SNAP23: variants seen among roughly 807,000 people sequenced by gnomAD.
SNAP23 encodes synaptosome associated protein 23.
Under a neutral mutation model 29.0 loss-of-function variants are expected in SNAP23, and 11 were observed. The ratio of observed to expected loss-of-function variants is 0.38; its 90% CI spans 0.24 to 0.63. The LOEUF is 0.63. Among genes scored for constraint, SNAP23 ranks in the 20% least tolerant of loss-of-function variants. The pLI, the probability that SNAP23 is intolerant of heterozygous loss-of-function variation, is 0.58. For synonymous variants in SNAP23, 60 were observed against 82.9 expected (o/e 0.72, Z 1.50); for missense variants, 220 against 253.9 (o/e 0.87, Z 0.91).
At chr15:42,507,728 C>T (rs979928302) in intron 1 of SNAP23, among the ~76,000 whole-genome samples, 1 of 152,142 alleles carries the variant, frequency 6.6e-6, no homozygotes. Flanking sequence ...CTCTCTGACT[C>T]GTCTCAGCAA....
intron 1 of SNAP23, 39 bp from the exon 2 acceptor site, chr15:42,511,791 ATTC>A: frequency 8.1e-7 from 1 of 1,230,654 alleles, no homozygotes; most frequent in Non-Finnish European, 1.1e-6. Context: ...ATATATCCTT[ATTC>A]TTATACAATA....
chr15:42,497,468 C>T (rs2057231014), intron 1 of SNAP23, among the ~76,000 whole-genome samples: 1 of 152,050 alleles, frequency 6.6e-6, no homozygotes, highest in Non-Finnish European at 1.5e-5. Context: ...CTCCGCCTCC[C>T]AAAGTGCTGG....
At chr15:42,531,334 C>T in intron 7 of SNAP23, 79 bp from the exon 8 acceptor site, 1 of 886,228 alleles carries the variant, frequency 1.1e-6, no homozygotes, top group African/African-American at 1.7e-5. Context: ...CTTGGTGTGT[C>T]AGTTACTCCA....
At chr15:42,529,544 T>A in intron 6 of SNAP23, 131 bp from the exon 7 acceptor site, 1 of 840,034 alleles carries the variant, frequency 1.2e-6, no homozygotes, top group Non-Finnish European at 1.8e-6. Flanking sequence ...TTCCCAGGAA[T>A]GGTAACCTAT....
chr15:42,512,247 A>G (rs1231580867), intron 2 of SNAP23: 2 of 162,308 alleles, frequency 1.2e-5, no homozygotes, highest in African/African-American at 4.8e-5. Context: ...TTTTATTCCC[A>G]TGAACTTCAC....
At chr15:42,528,050 T>G (rs758748975) in intron 5 of SNAP23, 1 of 472,386 alleles carries the variant, frequency 2.1e-6, no homozygotes, top group Non-Finnish European at 3.8e-6. Flanking sequence ...TTGGACCTTT[T>G]TAAAATTTTT....
intron 1 of SNAP23, among the ~76,000 whole-genome samples, chr15:42,506,476 C>A (rs1373688746): frequency 6.6e-6 from 1 of 152,132 alleles, no homozygotes; most frequent in African/African-American, 2.4e-5. Context: ...AGCCTCAAGC[C>A]GTTTTCCTAC....
chr15:42,506,224 C>T (rs545348282), intron 1 of SNAP23, among the ~76,000 whole-genome samples: 91 of 152,016 alleles, frequency 6.0e-4, no homozygotes, highest in African/African-American at 2.1e-3. Flanking sequence ...GGATTATAGG[C>T]GTGAGCCACT....
chr15:42,521,687 G>A, intron 5 of SNAP23: 1 of 1,064,726 alleles, frequency 9.4e-7, no homozygotes, highest in Non-Finnish European at 1.4e-6. Flanking sequence ...CGCAGTTTGG[G>A]CTGCTAACCT....
chr15:42,499,198 A>G (rs1035484624), intron 1 of SNAP23, among the ~76,000 whole-genome samples: 1 of 151,810 alleles, frequency 6.6e-6, no homozygotes, highest in Non-Finnish European at 1.5e-5. Context: ...CCTCCCGAGT[A>G]GCTGGGATTA....
At chr15:42,492,558 G>A (rs1358095051), upstream of SNAP23, among the ~76,000 whole-genome samples, 1 of 151,262 alleles carries the variant, frequency 6.6e-6, no homozygotes, top group African/African-American at 2.4e-5. Context: ...CGTGCCTGTA[G>A]TCCCAGCTAC....
intron 1 of SNAP23, among the ~76,000 whole-genome samples, chr15:42,500,058 C>T (rs961813410): frequency 3.3e-5 from 5 of 152,280 alleles, no homozygotes; most frequent in Middle Eastern, 3.4e-3. Context: ...GGTGGAGGAT[C>T]GCTTGAGCCT....
At chr15:42,504,360 A>G (rs2057300688) in intron 1 of SNAP23, among the ~76,000 whole-genome samples, 1 of 152,066 alleles carries the variant, frequency 6.6e-6, no homozygotes, top group South Asian at 2.1e-4. Context: ...AAAGTAAAAT[A>G]AAATAAAATA....
At chr15:42,525,346 C>A (rs112568544) in intron 5 of SNAP23, among the ~76,000 whole-genome samples, 11,808 of 132,002 alleles carry the variant, frequency 0.089, 548 homozygotes, top group South Asian at 0.16. Context: ...CCAGCCTGGG[C>A]GATACAGCGA....
At chr15:42,523,458 T>A (rs947378461) in intron 5 of SNAP23, among the ~76,000 whole-genome samples, 2 of 152,216 alleles carry the variant, frequency 1.3e-5, no homozygotes, top group African/African-American at 4.8e-5. Flanking sequence ...TTCATGTACC[T>A]GTAGATCTCA....
intron 4 of SNAP23, among the ~76,000 whole-genome samples, chr15:42,514,104 C>T (rs970160842): frequency 2.0e-5 from 3 of 150,746 alleles, no homozygotes; most frequent in Non-Finnish European, 4.4e-5. Context: ...TGTGAGCCAC[C>T]GTGCCGGGCC....
At chr15:42,506,999 G>A (rs2057321973) in intron 1 of SNAP23, among the ~76,000 whole-genome samples, 1 of 151,846 alleles carries the variant, frequency 6.6e-6, no homozygotes, top group Non-Finnish European at 1.5e-5. Flanking sequence ...TTGATTATTT[G>A]TAGAGAACGG....
At chr15:42,519,809 C>G (rs972667656) in intron 5 of SNAP23, among the ~76,000 whole-genome samples, 1 of 151,962 alleles carries the variant, frequency 6.6e-6, no homozygotes, top group African/African-American at 2.4e-5. Flanking sequence ...AACGTCACTA[C>G]AGAAATATTA....
intron 7 of SNAP23, 22 bp from the exon 8 acceptor site, chr15:42,531,390 CT>C: frequency 6.7e-7 from 1 of 1,497,786 alleles, no homozygotes; most frequent in Non-Finnish European, 8.9e-7. Flanking sequence ...CCTTGTAAAG[CT>C]GATATCTTTC....
Sources: allele counts gnomAD v4.1 joint callset (sites outside exome capture counted in the v4.1 genomes callset), GRCh38; gene constraint gnomAD v4.1.1; transcripts MANE v1.5; gene names NCBI Gene and HGNC (gene_info 2026-07-23, HGNC 2026-07-21).